Variants in SEMA3E observed in about 807,000 individuals in gnomAD.
SEMA3E encodes the protein semaphorin 3E, also known as semaphorin-3E.
A neutral mutation model predicts 93.6 loss-of-function variants in SEMA3E; 49 were observed. That is an observed-to-expected ratio of 0.52 (90% CI 0.42 to 0.66). The LOEUF (loss-of-function observed/expected upper bound fraction) is 0.66. SEMA3E is among the 30% of genes least tolerant of loss of function. The probability of loss-of-function intolerance (pLI) is 0.00; values close to 1 mark genes in which losing one functional copy is unlikely to be tolerated. For synonymous variants in SEMA3E, 363 were observed against 330.7 expected (o/e 1.10, Z -1.06); for missense variants, 906 against 964.8 (o/e 0.94, Z 0.81).
At chr7:83,525,260 T>C (rs1030884610) in intron 1 of SEMA3E, among the ~76,000 whole-genome samples, 1 of 152,098 alleles carries the variant, frequency 6.6e-6, no homozygotes, top group Admixed American at 6.6e-5. Context: ...TTACGTAACC[T>C]GTTTTTTCAT....
chr7:83,569,035 C>A (rs542712282), intron 1 of SEMA3E, among the ~76,000 whole-genome samples: 4 of 151,248 alleles, frequency 2.6e-5, no homozygotes, highest in Non-Finnish European at 5.9e-5. Flanking sequence ...AGTAAAATTG[C>A]AAGATATGAA....
chr7:83,373,143 C>T (rs928146866), intron 16 of SEMA3E: 1 of 148,676 alleles, frequency 6.7e-6, no homozygotes, highest in Admixed American at 6.7e-5. Context: ...TTTATAATTT[C>T]TAGTAAAAAA....
At chr7:83,392,846 A>AT in intron 13 of SEMA3E, 125 bp from the exon 14 acceptor site, 3 of 924,534 alleles carry the variant, frequency 3.2e-6, no homozygotes, top group Non-Finnish European at 5.1e-6. Flanking sequence ...ATTCACTTAA[A>AT]TTAGCAGTTT....
intron 1 of SEMA3E, among the ~76,000 whole-genome samples, chr7:83,506,250 G>T (rs746723792): frequency 6.6e-6 from 1 of 151,816 alleles, no homozygotes; most frequent in Non-Finnish European, 1.5e-5. Flanking sequence ...TAAAGAAAAC[G>T]TATAGCGCAT....
At chr7:83,390,063 A>C (rs567350310) in intron 14 of SEMA3E, among the ~76,000 whole-genome samples, 31 of 70,016 alleles carry the variant, frequency 4.4e-4, no homozygotes, top group Non-Finnish European at 9.1e-4. Context: ...ACGTGTGCAC[A>C]TATATGCGCG....
intron 4 of SEMA3E, among the ~76,000 whole-genome samples, chr7:83,464,094 CCAAG>C (rs1012982059): frequency 3.3e-5 from 5 of 152,014 alleles, no homozygotes; most frequent in Non-Finnish European, 5.9e-5. Flanking sequence ...GTCAAATCAG[CCAAG>C]CAGTTTTTCA....
chr7:83,536,179 G>T (rs115230332), intron 1 of SEMA3E, among the ~76,000 whole-genome samples: 1,741 of 152,008 alleles, frequency 0.011, 41 homozygotes, highest in African/African-American at 0.04. Context: ...TATAAATAAA[G>T]CTTTGATCAC....
rs996655065 is a variant in SEMA3E, at chr7:83,373,947, C to G, written c.1876-5909G>C. ...TTAGGCCGGGCGCGGTGTTTCACGC[C>G]TGTAATCCCAGCACTTTGGGAGGCT... On this transcript the variant is annotated intron_variant, in intron 16 of 16. Transcript: ENST00000643230. 1.1e-4 allele frequency among the ~76,000 whole-genome samples: 17 copies of G among 152,226 alleles called. No individual in the cohort carries two copies. The East Asian group carries it at 3.1e-3, about 28-fold the overall frequency.
chr7:83,420,948 G>A lies in SEMA3E; in HGVS notation c.457-2465C>T, dbSNP rs1339350451. ...TTTGACTTAGTCCTCAAAAGCAATT[G>A]CAACAAAAACAAAAACTGACAAGTG... On this transcript the variant is annotated intron_variant, in intron 4 of 16. Coordinates refer to ENST00000643230, the MANE Select transcript of SEMA3E (RefSeq NM_012431.3). Among the ~76,000 whole-genome samples, 5 of 141,724 alleles carry A rather than the reference G, an allele frequency of 3.5e-5. 2 individuals are homozygous for A. Among genetic ancestry groups the A allele is most frequent in the Non-Finnish European group, 8.0e-5 (5 of 62,326 alleles). The allele number at this position is 141,724 out of a possible 152,430, so 93.0% of individuals were successfully genotyped here. A position where few individuals can be genotyped will look rare whatever the true frequency, so the allele number is the denominator to read the frequency against.
At chr7:83,570,386 T>C (rs1792254213) in intron 1 of SEMA3E, among the ~76,000 whole-genome samples, 1 of 148,600 alleles carries the variant, frequency 6.7e-6, no homozygotes. Context: ...ACCCCGTCTC[T>C]ACTAAAAATA....
chr7:83,547,342 C>T (rs888042465), intron 1 of SEMA3E, among the ~76,000 whole-genome samples: 15 of 152,090 alleles, frequency 9.9e-5, no homozygotes, highest in African/African-American at 3.1e-4. Flanking sequence ...ACTAGTTCAT[C>T]GAGATGCTGT....
intron 1 of SEMA3E, among the ~76,000 whole-genome samples, chr7:83,580,295 C>A (rs1431207283): frequency 6.6e-6 from 1 of 151,986 alleles, no homozygotes; most frequent in African/African-American, 2.4e-5. Context: ...GAATTACTCT[C>A]TTCTACTACA....
At chr7:83,643,791 A>G (rs1207969269) in intron 1 of SEMA3E, among the ~76,000 whole-genome samples, 1 of 151,990 alleles carries the variant, frequency 6.6e-6, no homozygotes, top group Non-Finnish European at 1.5e-5. Flanking sequence ...TAAATCCACC[A>G]CTTAATTCTC....
At chr7:83,564,976 A>C (rs928166922) in intron 1 of SEMA3E, among the ~76,000 whole-genome samples, 1 of 152,200 alleles carries the variant, frequency 6.6e-6, no homozygotes, top group Non-Finnish European at 1.5e-5. Context: ...AAAAGAGAGA[A>C]GAATCAAACA....
At chr7:83,488,229 G>A (rs1790306624) in intron 2 of SEMA3E, among the ~76,000 whole-genome samples, 1 of 152,086 alleles carries the variant, frequency 6.6e-6, no homozygotes, top group South Asian at 2.1e-4. Context: ...GGAAGAAAGT[G>A]AAGAGGAGAA....
rs1791885018 is a variant in SEMA3E, at chr7:83,556,239, T to TA, written c.116-65966dup. 2.0e-5 allele frequency among the ~76,000 whole-genome samples: 3 copies of TA among 152,188 alleles called. No individual in the cohort carries two copies. The South Asian group carries it at 6.2e-4, about 31-fold the overall frequency. Reference sequence around the variant, plus strand: ...CTTCGCTTTTTGAGATAACTATTGATAATACTTTAGCATATATCTTTGGAA... The same window carrying TA: ...CTTCGCTTTTTGAGATAACTATTGATAAATACTTTAGCATATATCTTTGGAA... On this transcript the variant is annotated intron_variant, in intron 1 of 16. Coordinates refer to ENST00000643230, the MANE Select transcript of SEMA3E (RefSeq NM_012431.3).
intron 4 of SEMA3E, among the ~76,000 whole-genome samples, chr7:83,463,074 C>T (rs540625972): frequency 6.7e-6 from 1 of 149,866 alleles, no homozygotes; most frequent in African/African-American, 2.4e-5. Flanking sequence ...CAAATTTCTT[C>T]CTCATCTGTT....
chr7:83,613,032 A>T (rs1045521295), intron 1 of SEMA3E, among the ~76,000 whole-genome samples: 2 of 152,098 alleles, frequency 1.3e-5, no homozygotes, highest in African/African-American at 4.8e-5. Flanking sequence ...AATAATTTAA[A>T]TTTTTTAGCT....
At chr7:83,417,458 G>T (rs534099490) in intron 5 of SEMA3E, among the ~76,000 whole-genome samples, 1 of 152,208 alleles carries the variant, frequency 6.6e-6, no homozygotes, top group African/African-American at 2.4e-5. Flanking sequence ...AGAATGTGAA[G>T]TCTCTACATT....
Sources: gnomAD v4.1 joint callset for allele counts (sites outside exome capture counted in the v4.1 genomes callset) on GRCh38, gnomAD v4.1.1 for gene constraint, MANE v1.5 for transcripts, NCBI Gene and HGNC (gene_info 2026-07-23, HGNC 2026-07-21) for gene names.